The following FAAH2 variants were observed in gnomAD, a reference collection of about 807,000 sequenced individuals.
FAAH2 encodes fatty-acid amide hydrolase 2.
Under a neutral mutation model 36.9 loss-of-function variants are expected in FAAH2, and 60 were observed. The ratio of observed to expected loss-of-function variants is 1.63; its 90% CI spans 1.32 to 2.02. The LOEUF (loss-of-function observed/expected upper bound fraction) is 2.02. Ranked by LOEUF, FAAH2 falls within the 30% of genes most tolerant of loss-of-function variation. The probability of loss-of-function intolerance (pLI) is 0.00; values close to 1 mark genes in which losing one functional copy is unlikely to be tolerated. For synonymous variants in FAAH2, 214 were observed against 143.8 expected (o/e 1.49, Z -3.49); for missense variants, 689 against 397.5 (o/e 1.73, Z -6.23).
intron 5 of FAAH2, among the ~76,000 whole-genome samples, chrX:57,354,955 A>G (rs1223351385): frequency 9.0e-6 from 1 of 110,718 alleles, no homozygotes; most frequent in Non-Finnish European, 1.9e-5. Flanking sequence ...GTGTACCAAA[A>G]TGTTTATCTG....
At chrX:57,327,037 G>T (rs901258074) in intron 3 of FAAH2, among the ~76,000 whole-genome samples, 3 of 108,492 alleles carry the variant, frequency 2.8e-5, no homozygotes, top group Non-Finnish European at 5.7e-5. Flanking sequence ...CATGCCTGGT[G>T]GTAACAAAAT....
chrX:57,215,068 G>A, the FAAH2 span, among the ~76,000 whole-genome samples: 1 of 106,723 alleles, frequency 9.4e-6, no homozygotes, highest in African/African-American at 3.5e-5. Context: ...CATCTGGCAG[G>A]GGTCTAATAT....
intron 8 of FAAH2, 69 bp downstream of exon 8, chrX:57,432,106 C>A: frequency 1.1e-6 from 1 of 948,094 alleles, no homozygotes; most frequent in South Asian, 2.7e-5. Flanking sequence ...TATTGTGGTC[C>A]ATATGTTAGA....
intron 2 of FAAH2, among the ~76,000 whole-genome samples, chrX:57,298,831 T>A (rs984321720): frequency 4.0e-5 from 4 of 100,251 alleles, no homozygotes; most frequent in Non-Finnish European, 8.1e-5. Flanking sequence ...AACACCTGTA[T>A]GCAAATAAAC....
At chrX:57,325,645 C>G (rs1418418422) in intron 3 of FAAH2, among the ~76,000 whole-genome samples, 1 of 94,007 alleles carries the variant, frequency 1.1e-5, no homozygotes, top group Non-Finnish European at 2.1e-5. Context: ...TTATAGTAGT[C>G]TGATGGTAGT....
the FAAH2 span, among the ~76,000 whole-genome samples, chrX:57,222,685 C>G: frequency 8.9e-6 from 1 of 111,959 alleles, no homozygotes; most frequent in Non-Finnish European, 1.9e-5. Context: ...AAAACCCCCT[C>G]CTACCAATCA....
the FAAH2 span, among the ~76,000 whole-genome samples, chrX:57,277,216 G>A: frequency 9.0e-6 from 1 of 111,597 alleles, no homozygotes; most frequent in African/African-American, 3.3e-5. Flanking sequence ...ACATCAAAAA[G>A]CTTATCCACC....
intron 10 of FAAH2, among the ~76,000 whole-genome samples, chrX:57,453,692 TC>T (rs1463468709): frequency 8.9e-6 from 1 of 112,166 alleles, no homozygotes; most frequent in African/African-American, 3.2e-5. Context: ...CATTCCCACA[TC>T]TGCCTGAACT....
Position 57,483,778 on chromosome X carries a change from CTTTTTTTTTTTTTT to C in FAAH2, c.1424-4960_1424-4947del, listed in dbSNP as rs755609992. Among the ~76,000 whole-genome samples, 14 of 38,887 alleles carry C rather than the reference CTTTTTTTTTTTTTT, an allele frequency of 3.6e-4. No individual in the cohort carries two copies. In the East Asian group the frequency reaches 8.0e-3, roughly 22 times the overall value. 33.8% of individuals were successfully genotyped at this position (38,887 alleles called of 115,157 possible). A position where few individuals can be genotyped will look rare whatever the true frequency, so the allele number is the denominator to read the frequency against. On this transcript the variant is annotated intron_variant, in intron 10 of 10. Coordinates refer to ENST00000374900, the MANE Select transcript of FAAH2 (RefSeq NM_174912.4). ...CCTATTTCCTGTGCACTGGGGGCAA[CTTTTTTTTTTTTTT>C]TTTTTTTTTTTTTTTTTTGAGACGG...
chrX:57,381,108 C>T, intron 7 of FAAH2, 79 bp downstream of exon 7: 2 of 692,484 alleles, frequency 2.9e-6, no homozygotes, highest in South Asian at 2.8e-5. Context: ...TCACTTACTG[C>T]CAAATATTTC....
chrX:57,393,302 G>C (rs947907914), intron 7 of FAAH2: 2 of 1,008,262 alleles, frequency 2.0e-6, no homozygotes, highest in Admixed American at 4.4e-5. Context: ...AGGCATTCCA[G>C]CAGTGACCAT....
chrX:57,477,845 T>A (rs1434948208), intron 10 of FAAH2, among the ~76,000 whole-genome samples: 1 of 111,623 alleles, frequency 9.0e-6, no homozygotes, highest in East Asian at 2.8e-4. Context: ...TGCATAGTAT[T>A]CCATGGTGTA....
the FAAH2 span, among the ~76,000 whole-genome samples, chrX:57,167,445 G>T: frequency 8.9e-6 from 1 of 111,808 alleles, no homozygotes; most frequent in Non-Finnish European, 1.9e-5. Flanking sequence ...TATTTGCTAA[G>T]CTCTAATGAT....
intron 7 of FAAH2, among the ~76,000 whole-genome samples, chrX:57,416,900 C>G (rs981955877): frequency 4.5e-5 from 5 of 112,131 alleles, no homozygotes; most frequent in African/African-American, 1.6e-4. Context: ...CATAGTTTCA[C>G]ATATTTCTTG....
chrX:57,447,074 T>C, intron 9 of FAAH2, 35 bp downstream of exon 9: 5 of 1,011,959 alleles, frequency 4.9e-6, no homozygotes, highest in Non-Finnish European at 6.7e-6. Flanking sequence ...ACCAGTTTGA[T>C]GTCCTGTAAT....
intron 7 of FAAH2, among the ~76,000 whole-genome samples, chrX:57,396,937 C>T (rs191506324): frequency 2.1e-4 from 23 of 111,692 alleles, no homozygotes; most frequent in Admixed American, 4.8e-4. Context: ...GAGTTATTTA[C>T]GTTTCCCACT....
the FAAH2 span, among the ~76,000 whole-genome samples, chrX:57,183,758 G>A: frequency 5.4e-5 from 6 of 111,172 alleles, no homozygotes; most frequent in Admixed American, 5.8e-4. Flanking sequence ...TCTTGAAAAA[G>A]AACAGAATAA....
the FAAH2 span, among the ~76,000 whole-genome samples, chrX:57,206,012 A>G: frequency 1.8e-5 from 2 of 112,193 alleles, no homozygotes; most frequent in South Asian, 7.3e-4. Flanking sequence ...ATTCTACAAG[A>G]TCTTGCTCTT....
At chrX:57,469,784 A>T (rs1393951033) in intron 10 of FAAH2, among the ~76,000 whole-genome samples, 1 of 111,873 alleles carries the variant, frequency 8.9e-6, no homozygotes, top group Non-Finnish European at 1.9e-5. Flanking sequence ...ACCCCAAATC[A>T]ACAGAATATA....
Sources: gnomAD v4.1 joint callset for allele counts (sites outside exome capture counted in the v4.1 genomes callset) on GRCh38, gnomAD v4.1.1 for gene constraint, MANE v1.5 for transcripts, NCBI Gene and HGNC (gene_info 2026-07-23, HGNC 2026-07-21) for gene names.